Variants in RGS5 observed in about 807,000 individuals in gnomAD.
The protein encoded by RGS5 is regulator of G-protein signalling 5.
In RGS5, 20 loss-of-function variants were observed where a neutral mutation model predicts 18.9. The observed-to-expected ratio is 1.06, with a 90% CI of 0.74 to 1.54. The LOEUF is 1.54. Among genes scored for constraint, RGS5 ranks in the 40% most tolerant of loss-of-function variants. The probability of loss-of-function intolerance (pLI) is 0.00; values close to 1 mark genes in which losing one functional copy is unlikely to be tolerated. For missense variants in RGS5, 201 were observed against 211.8 expected (o/e 0.95, Z 0.32); for synonymous variants, 57 against 76.2 (o/e 0.75, Z 1.31).
At chr1:163,171,434 T>A (rs549520640) in intron 1 of RGS5, among the ~76,000 whole-genome samples, 1 of 152,172 alleles carries the variant, frequency 6.6e-6, no homozygotes, top group Non-Finnish European at 1.5e-5. Context: ...ATGCTGCAAC[T>A]GTTTTCAGTT....
chr1:163,213,605 A>C (rs1180200739), intron 1 of RGS5, among the ~76,000 whole-genome samples: 5 of 152,242 alleles, frequency 3.3e-5, no homozygotes, highest in African/African-American at 1.2e-4. Flanking sequence ...GAGAGCCTAC[A>C]TCCAGGCTTC....
intron 1 of RGS5, among the ~76,000 whole-genome samples, chr1:163,176,567 G>A (rs1256284481): frequency 6.6e-6 from 1 of 150,724 alleles, no homozygotes; most frequent in African/African-American, 2.4e-5. Context: ...GTTGTGGTGA[G>A]CTGAGATCAC....
At chr1:163,234,901 T>C (rs1365606308) in intron 2 of RGS5, among the ~76,000 whole-genome samples, 4 of 152,290 alleles carry the variant, frequency 2.6e-5, no homozygotes, top group South Asian at 2.1e-4. Flanking sequence ...TTTTCTTTCA[T>C]CCTAGGCAGC....
chr1:163,224,429 C>A (rs545971000), intron 2 of RGS5, among the ~76,000 whole-genome samples: 1 of 152,290 alleles, frequency 6.6e-6, no homozygotes, highest in East Asian at 1.9e-4. Flanking sequence ...ATATATACCA[C>A]ATTTTTTGTA....
intron 1 of RGS5, among the ~76,000 whole-genome samples, chr1:163,213,550 A>G (rs1283235117): frequency 6.6e-6 from 1 of 152,214 alleles, no homozygotes; most frequent in East Asian, 1.9e-4. Flanking sequence ...TAGAGGAAGG[A>G]TAAAAGGAGG....
intron 3 of RGS5, among the ~76,000 whole-genome samples, chr1:163,157,412 A>C (rs1280905608): frequency 1.3e-5 from 2 of 152,224 alleles, no homozygotes; most frequent in African/African-American, 4.8e-5. Context: ...AGTCACATAT[A>C]CTGGATGATT....
At chr1:163,245,191 T>C (rs923688685) in intron 2 of RGS5, among the ~76,000 whole-genome samples, 9 of 152,206 alleles carry the variant, frequency 5.9e-5, no homozygotes, top group African/African-American at 1.9e-4. Flanking sequence ...GCAGGATGGG[T>C]AGTCTATCGT....
At chr1:163,166,201 G>A (rs11580141) in intron 2 of RGS5, among the ~76,000 whole-genome samples, 55,124 of 151,906 alleles carry the variant, frequency 0.36, 11,090 homozygotes, top group Admixed American at 0.5. Context: ...GGGAAAAAGG[G>A]CTACTAAAAG....
At chr1:163,302,520 T>G (rs2101643171) in intron 2 of RGS5, among the ~76,000 whole-genome samples, 1 of 152,324 alleles carries the variant, frequency 6.6e-6, no homozygotes, top group African/African-American at 2.4e-5. Flanking sequence ...TCGCTACTGG[T>G]ATGCATTGTC....
chr1:163,164,393 A>G (rs970649749), intron 2 of RGS5, among the ~76,000 whole-genome samples: 2 of 152,190 alleles, frequency 1.3e-5, no homozygotes, highest in Admixed American at 6.5e-5. Flanking sequence ...TATAGAGATG[A>G]TTAACCACAT....
chr1:163,273,585 T>G (rs1285422434), intron 2 of RGS5, among the ~76,000 whole-genome samples: 1 of 152,176 alleles, frequency 6.6e-6, no homozygotes, highest in Non-Finnish European at 1.5e-5. Context: ...TATCATACTT[T>G]CCTTTAATTA....
intron 2 of RGS5, among the ~76,000 whole-genome samples, chr1:163,305,890 G>C (rs1649684484): frequency 2.0e-5 from 3 of 152,176 alleles, no homozygotes; most frequent in Non-Finnish European, 4.4e-5. Context: ...CTACAAAACT[G>C]TGCTCCAGGG....
chr1:163,251,026 T>C (rs897586894), intron 2 of RGS5, among the ~76,000 whole-genome samples: 3 of 152,208 alleles, frequency 2.0e-5, no homozygotes, highest in African/African-American at 7.2e-5. Context: ...AACTGGATAA[T>C]GTTCCTGACC....
intron 2 of RGS5, among the ~76,000 whole-genome samples, chr1:163,271,597 T>C (rs140682682): frequency 1.0e-3 from 157 of 152,260 alleles, no homozygotes; most frequent in African/African-American, 3.7e-3. Context: ...TCAGCCCCAA[T>C]TGACATCAAT....
chr1:163,167,375 G>A (rs1658097789), intron 2 of RGS5, among the ~76,000 whole-genome samples: 1 of 152,142 alleles, frequency 6.6e-6, no homozygotes, highest in African/African-American at 2.4e-5. Context: ...GGATATCTCT[G>A]TTTTAATGGG....
Position 163,202,890 on chromosome 1 carries a change from CA to C in RGS5, c.-56del, listed in dbSNP as rs1659835782. 2 of 1,569,440 alleles carry C rather than the reference CA, an allele frequency of 1.3e-6. No individual in the cohort carries two copies. The highest frequency in any genetic ancestry group is 1.8e-6 in the Non-Finnish European group (2 of 1,141,264). On this transcript the variant is annotated 5_prime_UTR_variant, in exon 1 of 5. Transcript: ENST00000313961. ...AAGTACAACTTCTTAACAGCAGAGCCAGTCTTTGAAAACTTCAAAACTGTCT... is the reference window on the plus strand; with the variant it reads ...AAGTACAACTTCTTAACAGCAGAGCCGTCTTTGAAAACTTCAAAACTGTCT...
chr1:163,309,157 G>A (rs1445318275), intron 1 of RGS5, among the ~76,000 whole-genome samples: 1 of 152,086 alleles, frequency 6.6e-6, no homozygotes, highest in Non-Finnish European at 1.5e-5. Flanking sequence ...AGAGGTTACA[G>A]TGAACTATGG....
intron 2 of RGS5, among the ~76,000 whole-genome samples, chr1:163,272,366 C>CT (rs1395675799): frequency 1.3e-5 from 2 of 151,764 alleles, no homozygotes; most frequent in African/African-American, 2.4e-5. Flanking sequence ...TTATCTTTTC[C>CT]TTTTCTTCAT....
chr1:163,218,880 A>C (rs541111313), upstream of RGS5, among the ~76,000 whole-genome samples: 1 of 152,298 alleles, frequency 6.6e-6, no homozygotes, highest in South Asian at 2.1e-4. Flanking sequence ...GTGAAGATAT[A>C]ACTTGGAAAC....
Sources: gnomAD v4.1 joint callset for allele counts (sites outside exome capture counted in the v4.1 genomes callset) on GRCh38, gnomAD v4.1.1 for gene constraint, MANE v1.5 for transcripts, NCBI Gene and HGNC (gene_info 2026-07-23, HGNC 2026-07-21) for gene names.